VTI1A: variants seen among roughly 807,000 people sequenced by gnomAD.
VTI1A encodes vesicle transport through interaction with t-SNAREs homolog 1A.
VTI1A carries 22 observed loss-of-function variants against 34.9 expected under a neutral mutation model. The ratio of observed to expected loss-of-function variants is 0.63; its 90% CI spans 0.45 to 0.90. VTI1A has a LOEUF of 0.90. VTI1A is among the 40% of genes least tolerant of loss of function. The pLI, the probability that VTI1A is intolerant of heterozygous loss-of-function variation, is 0.00. For synonymous variants in VTI1A, 87 were observed against 97.3 expected, an observed-to-expected ratio of 0.89 and a Z score of 0.62; for missense variants, 268 against 275.6, an observed-to-expected ratio of 0.97 and a Z score of 0.20.
Position 112,597,826 on chromosome 10 carries a change from T to A in VTI1A, c.427+59496T>A, listed in dbSNP as rs1844721806. The stretch of plus-strand genomic sequence containing the variant: ...CATTCTCCTGCCTCAGCCTCCCGAG[T>A]AGCCGGGACCACAGGCGCCCGCCAC... On this transcript the variant is annotated intron_variant, in intron 5 of 7. Transcript: ENST00000393077. Among the ~76,000 whole-genome samples the A allele has an allele frequency of 1.3e-5, 2 of 149,604 alleles. 1 individual carries two copies. The highest frequency in any genetic ancestry group is 4.2e-4 in the South Asian group (2 of 4,710).
At chr10:112,763,180 C>G (rs188053028) in intron 7 of VTI1A, among the ~76,000 whole-genome samples, 117 of 152,176 alleles carry the variant, frequency 7.7e-4, no homozygotes, top group African/African-American at 2.7e-3. Context: ...ATCCCAAAGG[C>G]CTGTAATCCC....
chr10:112,798,649 A>G (rs1386087152), intron 7 of VTI1A, among the ~76,000 whole-genome samples: 2 of 152,166 alleles, frequency 1.3e-5, no homozygotes, highest in African/African-American at 4.8e-5. Context: ...CTTTATCTTC[A>G]TCAAATCCAC....
chr10:112,486,538 G>C (rs1421203045), intron 3 of VTI1A, among the ~76,000 whole-genome samples: 1 of 142,738 alleles, frequency 7.0e-6, no homozygotes, highest in African/African-American at 2.6e-5. Context: ...CTACTTTTCT[G>C]CTTAAATCTA....
intron 7 of VTI1A, among the ~76,000 whole-genome samples, chr10:112,789,755 G>A (rs947480654): frequency 1.3e-5 from 2 of 151,550 alleles, no homozygotes; most frequent in African/African-American, 4.9e-5. Flanking sequence ...CTCTTTCTCT[G>A]TTGAGATTTC....
chr10:112,656,521 ATTTTT>A (rs768159688), intron 5 of VTI1A, among the ~76,000 whole-genome samples: 41 of 103,178 alleles, frequency 4.0e-4, no homozygotes, highest in Middle Eastern at 0.012. Context: ...CACCCAGATA[ATTTTT>A]TTTTTTTTTT....
At chr10:112,687,309 C>T (rs1848450564) in intron 7 of VTI1A, among the ~76,000 whole-genome samples, 2 of 139,224 alleles carry the variant, frequency 1.4e-5, no homozygotes, top group Admixed American at 1.5e-4. Context: ...TCTCAGCTCA[C>T]TGCAAGCTCC....
At chr10:112,651,877 C>G (rs1279169603) in intron 5 of VTI1A, among the ~76,000 whole-genome samples, 1 of 152,074 alleles carries the variant, frequency 6.6e-6, no homozygotes, top group Admixed American at 6.6e-5. Context: ...AAGTTTTAGC[C>G]AAAAGGCTAC....
chr10:112,766,846 T>A (rs1400869316), intron 7 of VTI1A, among the ~76,000 whole-genome samples: 1 of 152,208 alleles, frequency 6.6e-6, no homozygotes, highest in Non-Finnish European at 1.5e-5. Flanking sequence ...GTGAGACTGG[T>A]TTAGTGGCAG....
chr10:112,543,865 A>C (rs1812749816), intron 5 of VTI1A, among the ~76,000 whole-genome samples: 1 of 152,200 alleles, frequency 6.6e-6, no homozygotes, highest in African/African-American at 2.4e-5. Flanking sequence ...ATAAGGTGTA[A>C]GGAAGGGATC....
At chr10:112,534,326 C>CT (rs1205870880) in intron 4 of VTI1A, among the ~76,000 whole-genome samples, 1 of 151,968 alleles carries the variant, frequency 6.6e-6, no homozygotes, top group African/African-American at 2.4e-5. Context: ...CTTTGGTACT[C>CT]TTTTTTAGAG....
At chr10:112,820,197 A>G (rs530708689), downstream of VTI1A, among the ~76,000 whole-genome samples, 1 of 152,238 alleles carries the variant, frequency 6.6e-6, no homozygotes, top group Non-Finnish European at 1.5e-5. Flanking sequence ...AATTAGCCAC[A>G]TGACAATCTG....
At chr10:112,593,382 G>A (rs1844472382) in intron 5 of VTI1A, among the ~76,000 whole-genome samples, 1 of 152,084 alleles carries the variant, frequency 6.6e-6, no homozygotes, top group Non-Finnish European at 1.5e-5. Context: ...ATGAAGTGAA[G>A]GCAGTGAAAT....
intron 7 of VTI1A, among the ~76,000 whole-genome samples, chr10:112,690,900 C>T (rs761530504): frequency 4.6e-5 from 7 of 152,134 alleles, no homozygotes; most frequent in Non-Finnish European, 1.0e-4. Flanking sequence ...CCTGCCCTAG[C>T]CATAGGTGCC....
chr10:112,655,133 T>A (rs941383413), intron 5 of VTI1A, among the ~76,000 whole-genome samples: 1 of 152,172 alleles, frequency 6.6e-6, no homozygotes, highest in African/African-American at 2.4e-5. Flanking sequence ...TTCTTGTCCC[T>A]CCACCCCCCA....
intron 3 of VTI1A, among the ~76,000 whole-genome samples, chr10:112,520,206 T>C (rs1422021232): frequency 6.6e-6 from 1 of 152,052 alleles, no homozygotes; most frequent in African/African-American, 2.4e-5. Flanking sequence ...CTTACACTAT[T>C]CCAGATGCTG....
intron 5 of VTI1A, among the ~76,000 whole-genome samples, chr10:112,549,325 G>C (rs1233825387): frequency 6.6e-6 from 1 of 152,212 alleles, no homozygotes; most frequent in South Asian, 2.1e-4. Flanking sequence ...AGGTGCTGCA[G>C]AGGTGCAGAG....
At chr10:112,466,864 G>A (rs773878569) in intron 3 of VTI1A, among the ~76,000 whole-genome samples, 9 of 152,174 alleles carry the variant, frequency 5.9e-5, no homozygotes, top group Non-Finnish European at 1.2e-4. Context: ...GTTGGCAGGT[G>A]TGGTTCCTTT....
rs112406884 is a variant in VTI1A, at chr10:112,633,637, A to T, written c.428-34581A>T. On this transcript the variant is annotated intron_variant, in intron 5 of 7. Transcript: ENST00000393077. Reference sequence around the variant, plus strand: ...GAAAAGGGCATTGCCCCCAAAAAGTAATGTCTCCCATGCAGAGAAGACTAG... The same window carrying T: ...GAAAAGGGCATTGCCCCCAAAAAGTTATGTCTCCCATGCAGAGAAGACTAG... Among the ~76,000 whole-genome samples, 1,021 of 152,242 alleles carry T rather than the reference A, an allele frequency of 6.7e-3. 14 individuals are homozygous for T. The highest frequency in any genetic ancestry group is 0.024 in the African/African-American group (979 of 41,540).
chr10:112,527,758 T>C (rs1309746878), intron 4 of VTI1A, among the ~76,000 whole-genome samples: 1 of 151,402 alleles, frequency 6.6e-6, no homozygotes, highest in Non-Finnish European at 1.5e-5. Context: ...CTTTTTGCAG[T>C]TTAAGATCTG....
Sources: allele counts gnomAD v4.1 joint callset (sites outside exome capture counted in the v4.1 genomes callset), GRCh38; gene constraint gnomAD v4.1.1; transcripts MANE v1.5; gene names NCBI Gene and HGNC (gene_info 2026-07-23, HGNC 2026-07-21).